The following MAF variants were observed in gnomAD, a reference collection of about 807,000 sequenced individuals.
The protein encoded by MAF is MAF bZIP transcription factor.
In MAF, 10 loss-of-function variants were observed where a neutral mutation model predicts 22.0. The observed-to-expected ratio is 0.45, with a 90% CI of 0.28 to 0.77. MAF has a LOEUF of 0.77. Ranked by LOEUF, MAF falls within the 30% of genes least tolerant of loss-of-function variation. The probability of loss-of-function intolerance (pLI) is 0.12; values close to 1 mark genes in which losing one functional copy is unlikely to be tolerated. For synonymous variants in MAF, 337 were observed against 255.8 expected (o/e 1.32, Z -3.03); for missense variants, 544 against 548.4 (o/e 0.99, Z 0.08).
At chr16:79,488,895 T>C in the MAF span, among the ~76,000 whole-genome samples, 24,905 of 152,158 alleles carry the variant, frequency 0.16, 2,609 homozygotes, top group East Asian at 0.45. Flanking sequence ...GGCTCTAGTG[T>C]CATGCCCTAG....
chr16:79,502,647 C>T, the MAF span, among the ~76,000 whole-genome samples: 4 of 145,272 alleles, frequency 2.8e-5, no homozygotes, highest in Non-Finnish European at 6.0e-5. Context: ...GCCTAGGTAA[C>T]AGAGTTAGAC....
chr16:79,585,762 C>T (rs943312535), downstream of MAF: 9 of 569,274 alleles, frequency 1.6e-5, no homozygotes, highest in Admixed American at 1.4e-4. Context: ...CTTTTCACAC[C>T]TAAAAAGTTA....
At chr16:79,404,373 A>G in the MAF span, among the ~76,000 whole-genome samples, 1,579 of 152,212 alleles carry the variant, frequency 0.01, 28 homozygotes, top group African/African-American at 0.036. Flanking sequence ...CATGTTGGCC[A>G]GGATAGTCTC....
the MAF span, among the ~76,000 whole-genome samples, chr16:79,220,372 G>A: frequency 3.1e-3 from 478 of 151,962 alleles, 6 homozygotes; most frequent in Non-Finnish European, 5.5e-3. Flanking sequence ...ACCAACTAGT[G>A]TAAATACTGT....
At chr16:79,526,051 G>T in the MAF span, among the ~76,000 whole-genome samples, 1 of 152,180 alleles carries the variant, frequency 6.6e-6, no homozygotes, top group Non-Finnish European at 1.5e-5. Context: ...AAGGTGAAAT[G>T]ATATGAATTA....
the MAF span, among the ~76,000 whole-genome samples, chr16:79,416,023 G>C: frequency 6.6e-6 from 1 of 152,192 alleles, no homozygotes; most frequent in South Asian, 2.1e-4. Flanking sequence ...AAAGTGCCGT[G>C]TGTCTGGTTG....
downstream of MAF, among the ~76,000 whole-genome samples, chr16:79,589,778 A>G (rs557319378): frequency 1.9e-3 from 289 of 152,052 alleles, no homozygotes; most frequent in Non-Finnish European, 3.1e-3. Context: ...TTTGAACACA[A>G]TCCGAGCTCC....
At chr16:79,543,633 C>T in the MAF span, among the ~76,000 whole-genome samples, 1 of 151,676 alleles carries the variant, frequency 6.6e-6, no homozygotes. Flanking sequence ...AGGGTCAATG[C>T]GATGTTTACA....
At chr16:79,279,070 T>C in the MAF span, among the ~76,000 whole-genome samples, 3 of 152,194 alleles carry the variant, frequency 2.0e-5, no homozygotes, top group South Asian at 6.2e-4. Context: ...TATCATTCAA[T>C]TCTCACCTCC....
At chr16:79,595,626 T>G in intron 1 of MAF, 1 of 1,058,298 alleles carries the variant, frequency 9.4e-7, no homozygotes, top group Non-Finnish European at 1.1e-6. Context: ...GAAGGTAGTT[T>G]TGAGTCTTTC....
chr16:79,231,180 C>A, the MAF span, among the ~76,000 whole-genome samples: 1 of 151,980 alleles, frequency 6.6e-6, no homozygotes, highest in African/African-American at 2.4e-5. Context: ...GACCAGGAAG[C>A]TCAAAGTCAC....
At chr16:79,420,668 G>C in the MAF span, among the ~76,000 whole-genome samples, 52 of 152,266 alleles carry the variant, frequency 3.4e-4, no homozygotes, top group African/African-American at 1.2e-3. Context: ...CCTTTTCCAA[G>C]GCCTCTTTCC....
At chr16:79,250,004 G>C in the MAF span, among the ~76,000 whole-genome samples, 1 of 152,124 alleles carries the variant, frequency 6.6e-6, no homozygotes, top group East Asian at 1.9e-4. Context: ...CTCTGGCCTG[G>C]CCTCCTACAT....
At chr16:79,334,386 G>C in the MAF span, among the ~76,000 whole-genome samples, 1 of 152,196 alleles carries the variant, frequency 6.6e-6, no homozygotes, top group African/African-American at 2.4e-5. Flanking sequence ...GCTGTGCAAG[G>C]CCAGGGAGGG....
rs908483772 is a variant in MAF, at chr16:79,587,708, G to GA, written c.1119-1768dup. ...TTGATAGTCTCCGTTATTTTTGGAGGAAAAAAAACAGGCCTCATTAAATGC... is the reference window on the plus strand; with the variant it reads ...TTGATAGTCTCCGTTATTTTTGGAGGAAAAAAAAACAGGCCTCATTAAATGC... On this transcript the variant is annotated intron_variant, in intron 1 of 1. Coordinates refer to the MAF transcript ENST00000569649. Among the ~76,000 whole-genome samples, 36 of 151,470 alleles carry GA rather than the reference G, an allele frequency of 2.4e-4. No homozygotes were observed. In the South Asian group the frequency reaches 5.0e-3, roughly 21 times the overall value.
At chr16:79,480,225 G>A in the MAF span, among the ~76,000 whole-genome samples, 4 of 152,200 alleles carry the variant, frequency 2.6e-5, no homozygotes, top group African/African-American at 9.6e-5. Flanking sequence ...ATGGCACACG[G>A]AAAGGACTGC....
chr16:79,400,072 T>C, the MAF span, among the ~76,000 whole-genome samples: 4 of 151,810 alleles, frequency 2.6e-5, no homozygotes, highest in Admixed American at 6.6e-5. Context: ...CAGGGGAGAG[T>C]TGACAATATC....
the MAF span, among the ~76,000 whole-genome samples, chr16:79,481,349 T>C: frequency 1.3e-5 from 2 of 151,940 alleles, no homozygotes; most frequent in Non-Finnish European, 1.5e-5. Flanking sequence ...TGTGCGACCA[T>C]CACCCTACTC....
At chr16:79,405,727 A>G in the MAF span, among the ~76,000 whole-genome samples, 2 of 152,248 alleles carry the variant, frequency 1.3e-5, no homozygotes, top group Non-Finnish European at 1.5e-5. Context: ...TAGATTATCA[A>G]TGATCATAAC....
Sources: allele counts gnomAD v4.1 joint callset (sites outside exome capture counted in the v4.1 genomes callset), GRCh38; gene constraint gnomAD v4.1.1; transcripts MANE v1.5; gene names NCBI Gene and HGNC (gene_info 2026-07-23, HGNC 2026-07-21).